The following PTPRB variants were observed in gnomAD, a reference collection of about 807,000 sequenced individuals.
PTPRB encodes receptor-type tyrosine-protein phosphatase beta.
In PTPRB, 97 loss-of-function variants were observed where a neutral mutation model predicts 238.1. The observed-to-expected ratio is 0.41, with a 90% CI of 0.35 to 0.48. The LOEUF (loss-of-function observed/expected upper bound fraction) is 0.48, where lower values mean the gene tolerates loss of function less well. Ranked by LOEUF, PTPRB falls within the 20% of genes least tolerant of loss-of-function variation. PTPRB has a pLI of 0.30. For synonymous variants in PTPRB, 970 were observed against 995.4 expected, an observed-to-expected ratio of 0.97 and a Z score of 0.48; for missense variants, 2,292 against 2,681.9, an observed-to-expected ratio of 0.85 and a Z score of 3.21.
At chr12:70,611,460 T>TG (rs1555238132) in intron 3 of PTPRB, among the ~76,000 whole-genome samples, 19 of 143,156 alleles carry the variant, frequency 1.3e-4, no homozygotes, top group South Asian at 8.8e-4. Context: ...AGCTAATTTT[T>TG]TTTGTGTGTG....
intron 16 of PTPRB, 38 bp downstream of exon 16, chr12:70,562,806 T>G: frequency 6.3e-7 from 1 of 1,597,652 alleles, no homozygotes; most frequent in African/African-American, 1.3e-5. Flanking sequence ...CCGGGACAAT[T>G]CCCCCACGAT....
At chr12:70,622,739 T>C (rs934103584) in intron 2 of PTPRB, 93 bp from the exon 3 acceptor site, 8 of 1,372,944 alleles carry the variant, frequency 5.8e-6, no homozygotes, top group African/African-American at 4.4e-5. Context: ...GAGGGCCTTT[T>C]CAATAATGGG....
chr12:70,524,877 GTATA>G (rs1349892921), intron 32 of PTPRB, among the ~76,000 whole-genome samples: 2 of 141,878 alleles, frequency 1.4e-5, no homozygotes, highest in South Asian at 4.4e-4. Flanking sequence ...ATATATGTGT[GTATA>G]TATGTATATA....
chr12:70,539,592 G>A, intron 26 of PTPRB, 33 bp downstream of exon 26: 3 of 1,439,804 alleles, frequency 2.1e-6, no homozygotes, highest in Non-Finnish European at 2.9e-6. Context: ...TAAGAACTAG[G>A]GATGCTGAAG....
At chr12:70,555,356 T>C in intron 19 of PTPRB, 47 bp from the exon 20 acceptor site, 1 of 1,543,268 alleles carries the variant, frequency 6.5e-7, no homozygotes, top group Non-Finnish European at 8.8e-7. Flanking sequence ...ACAACTCTGC[T>C]TTCACAGCAT....
Position 70,635,612 on chromosome 12 carries a change from A to ACAAG in PTPRB, c.451+58_451+59insCTTG, listed in dbSNP as rs1741443939. 2.0e-6 allele frequency: 3 copies of ACAAG among 1,529,930 alleles called. No individual in the cohort carries two copies. In the East Asian group the frequency reaches 6.8e-5, roughly 35 times the overall value. 94.8% of individuals were successfully genotyped at this position (1,529,930 alleles called of 1,614,324 possible). On this transcript the variant is annotated intron_variant, in intron 2 of 33. Transcript: ENST00000334414. ...AACAAACAAACAAACAAACAAACAA[A>ACAAG]ACCCCCAAGATATTTAGTAGAAAGA...
At chr12:70,613,893 TA>T (rs1884567843) in intron 3 of PTPRB, among the ~76,000 whole-genome samples, 1 of 152,090 alleles carries the variant, frequency 6.6e-6, no homozygotes, top group Non-Finnish European at 1.5e-5. Context: ...TTTAGAATCT[TA>T]AATACTATCC....
chr12:70,517,114 G>A lies in PTPRB; in HGVS notation c.*4375C>T, dbSNP rs1431182129. ...GGCCAAACATTTTCAAAGTCATCAT[G>A]CACTACAAGAATCTAAGGCAGTGTG... On this transcript the variant is annotated 3_prime_UTR_variant, in exon 34 of 34. Coordinates refer to ENST00000334414, the MANE Select transcript of PTPRB (RefSeq NM_001109754.4). The A allele has an allele frequency of 6.6e-6, 1 of 152,142 alleles. No homozygotes were observed. The highest frequency in any genetic ancestry group is 1.5e-5 in the Non-Finnish European group (1 of 68,020). The allele number at this position is 152,142 out of a possible 1,614,324, so 9.4% of individuals were successfully genotyped here. A position where few individuals can be genotyped will look rare whatever the true frequency, so the allele number is the denominator to read the frequency against.
chr12:70,555,021 C>G (rs1268779692), intron 20 of PTPRB, 139 bp downstream of exon 20: 2 of 938,542 alleles, frequency 2.1e-6, no homozygotes, highest in African/African-American at 3.3e-5. Context: ...TCCCTGTATC[C>G]AGCAGAGAGA....
intron 8 of PTPRB, among the ~76,000 whole-genome samples, chr12:70,587,759 T>C (rs919989547): frequency 2.6e-5 from 4 of 152,102 alleles, no homozygotes; most frequent in African/African-American, 9.7e-5. Context: ...TATCTCAAAA[T>C]TGATTCCTTT....
At chr12:70,528,142 C>T (rs983815414) in intron 32 of PTPRB, among the ~76,000 whole-genome samples, 8 of 152,134 alleles carry the variant, frequency 5.3e-5, no homozygotes, top group Non-Finnish European at 1.5e-5. Context: ...TTTTATCTTA[C>T]TGCAATGTTT....
intron 21 of PTPRB, among the ~76,000 whole-genome samples, chr12:70,551,964 G>A (rs1233827085): frequency 6.6e-6 from 1 of 152,144 alleles, no homozygotes; most frequent in Non-Finnish European, 1.5e-5. Context: ...GGAAAAAAGG[G>A]TGTTCCCATT....
intron 4 of PTPRB, among the ~76,000 whole-genome samples, chr12:70,600,088 G>GTA (rs1402382303): frequency 6.6e-6 from 1 of 151,420 alleles, no homozygotes; most frequent in Non-Finnish European, 1.5e-5. Flanking sequence ...TAAAACATTA[G>GTA]TATTTATTGA....
Position 70,539,716 on chromosome 12 carries a change from A to C in PTPRB, c.5697-10T>G. ...ATTTATTTTTATTGGACTGTAATTA[A>C]AAATGAAACAAACAGAAAAGAGTTA... On this transcript the variant is annotated splice_polypyrimidine_tract_variant and intron_variant, in intron 25 of 33. Coordinates refer to ENST00000334414, the MANE Select transcript of PTPRB (RefSeq NM_001109754.4). 1 of 1,603,724 alleles carries C rather than the reference A, an allele frequency of 6.2e-7. No individual in the cohort carries two copies. The highest frequency in any genetic ancestry group is 1.3e-5 in the African/African-American group (1 of 74,820).
intron 11 of PTPRB, among the ~76,000 whole-genome samples, chr12:70,572,411 A>C (rs1204573688): frequency 6.6e-6 from 1 of 152,160 alleles, no homozygotes; most frequent in East Asian, 1.9e-4. Flanking sequence ...AGATAATTCC[A>C]ACATACCTTG....
chr12:70,593,231 G>A (rs61930318), intron 6 of PTPRB, among the ~76,000 whole-genome samples: 16,316 of 152,132 alleles, frequency 0.11, 1,003 homozygotes, highest in Non-Finnish European at 0.13. Context: ...CAGAATGGGC[G>A]GCCAGGAGCA....
At chr12:70,588,841 T>C (rs1592544667) in intron 8 of PTPRB, among the ~76,000 whole-genome samples, 1 of 151,932 alleles carries the variant, frequency 6.6e-6, no homozygotes. Context: ...TAATCCCAGA[T>C]ACTTGGGAGG....
chr12:70,636,192 C>T (rs1885681437), intron 1 of PTPRB, 126 bp from the exon 2 acceptor site: 2 of 993,758 alleles, frequency 2.0e-6, no homozygotes, highest in Admixed American at 3.1e-5. Context: ...TTATTTCTAT[C>T]ATTTCAAGTG....
At chr12:70,522,026 G>T (rs1476662990) in intron 33 of PTPRB, among the ~76,000 whole-genome samples, 1 of 152,164 alleles carries the variant, frequency 6.6e-6, no homozygotes, top group Non-Finnish European at 1.5e-5. Flanking sequence ...ATCAATTAGG[G>T]TGTAATTTGT....
Sources: gnomAD v4.1 joint callset for allele counts (sites outside exome capture counted in the v4.1 genomes callset) on GRCh38, gnomAD v4.1.1 for gene constraint, MANE v1.5 for transcripts, NCBI Gene and HGNC (gene_info 2026-07-23, HGNC 2026-07-21) for gene names.